REEP1: variants seen among roughly 807,000 people sequenced by gnomAD.
REEP1 encodes receptor accessory protein 1, also known as receptor expression-enhancing protein 1.
Under a neutral mutation model 40.3 loss-of-function variants are expected in REEP1, and 22 were observed. The observed-to-expected ratio is 0.55, with a 90% CI of 0.39 to 0.78. The LOEUF is 0.78. REEP1 is among the 30% of genes least tolerant of loss of function. The pLI, the probability that REEP1 is intolerant of heterozygous loss-of-function variation, is 0.00. For missense variants in REEP1, 280 were observed against 361.1 expected, an observed-to-expected ratio of 0.78 and a Z score of 1.82; for synonymous variants, 116 against 139.2, an observed-to-expected ratio of 0.83 and a Z score of 1.17.
rs942369411 is a variant in REEP1, at chr2:86,252,201, G to C, written c.304-131C>G. On this transcript the variant is annotated intron_variant, in intron 4 of 8. Transcript: ENST00000538924. ...TTCTTGCTGGGCCTGAAAAGCTGTA[G>C]GCACTTTGAAGGTGTGCGTGCAGAG... is the stretch of plus-strand genomic sequence containing the variant. The C allele has an allele frequency of 8.0e-5, 59 of 740,512 alleles. No individual in the cohort carries two copies. In the Middle Eastern group the frequency reaches 2.1e-3, roughly 26 times the overall value. 45.9% of individuals were successfully genotyped at this position (740,512 alleles called of 1,614,324 possible).
rs1424884418 is a variant in REEP1, at chr2:86,264,150, T to C, written c.106-109A>G. 50 of 792,682 alleles carry C rather than the reference T, an allele frequency of 6.3e-5. No individual in the cohort carries two copies. The South Asian group carries it at 6.8e-4, about 11-fold the overall frequency. 49.1% of individuals were successfully genotyped at this position (792,682 alleles called of 1,614,324 possible). A position where few individuals can be genotyped will look rare whatever the true frequency, so the allele number is the denominator to read the frequency against. On this transcript the variant is annotated intron_variant, in intron 2 of 8. Coordinates refer to ENST00000538924, the MANE Select transcript of REEP1 (RefSeq NM_001371279.1). ...CAGATACGGAGGCACGTCCAGGTGG[T>C]GCAGCCTGCATTTGTAGCCTTCTCC...
At chr2:86,245,807 C>G (rs2104169975) in intron 5 of REEP1, among the ~76,000 whole-genome samples, 1 of 151,626 alleles carries the variant, frequency 6.6e-6, no homozygotes, top group South Asian at 2.1e-4. Flanking sequence ...CTCCGTCTCC[C>G]AGGCTGGAGT....
intron 6 of REEP1, among the ~76,000 whole-genome samples, chr2:86,228,426 G>T (rs1674834889): frequency 6.7e-6 from 1 of 149,932 alleles, no homozygotes; most frequent in African/African-American, 2.4e-5. Context: ...CACAGCAAAT[G>T]GTCCACACTG....
chr2:86,246,829 G>A (rs1675986621), intron 5 of REEP1, among the ~76,000 whole-genome samples: 1 of 151,552 alleles, frequency 6.6e-6, no homozygotes, highest in African/African-American at 2.4e-5. Flanking sequence ...AGCCTTCCGA[G>A]TAGCTAGGAT....
intron 4 of REEP1, among the ~76,000 whole-genome samples, chr2:86,253,464 C>T (rs533162186): frequency 6.6e-6 from 1 of 152,312 alleles, no homozygotes; most frequent in South Asian, 2.1e-4. Flanking sequence ...GAAGTCATAG[C>T]AGCAGGCCCT....
At chr2:86,323,234 A>T (rs1680349416) in intron 1 of REEP1, among the ~76,000 whole-genome samples, 1 of 152,200 alleles carries the variant, frequency 6.6e-6, no homozygotes, top group Non-Finnish European at 1.5e-5. Flanking sequence ...GAACATCAAT[A>T]TTCTATTGTT....
In REEP1 at chr2:86,217,119, G is replaced by C; in HGVS notation, c.784-9C>G. ...AGGATTCTAGGCGGTGCCTGGTAGA[G>C]AAAACAGAAAGGTGTCCCTCAGTTT... On this transcript the variant is annotated splice_polypyrimidine_tract_variant and intron_variant, in intron 8 of 8. Transcript: ENST00000538924. 6.2e-7 allele frequency: 1 copy of C among 1,612,574 alleles called. No individual in the cohort carries two copies. The highest frequency in any genetic ancestry group is 8.5e-7 in the Non-Finnish European group (1 of 1,178,600).
chr2:86,235,001 G>T (rs1675235580), intron 5 of REEP1, among the ~76,000 whole-genome samples: 3 of 152,260 alleles, frequency 2.0e-5, no homozygotes, highest in Admixed American at 1.3e-4. Context: ...CTAATTATAA[G>T]TGAGTAACTC....
At chr2:86,318,644 T>G (rs953620918) in intron 1 of REEP1, among the ~76,000 whole-genome samples, 6 of 152,082 alleles carry the variant, frequency 3.9e-5, no homozygotes, top group African/African-American at 1.4e-4. Context: ...GTGATCCACT[T>G]GCCTTGGCGT....
At chr2:86,317,091 C>T (rs1680049591) in intron 1 of REEP1, among the ~76,000 whole-genome samples, 2 of 152,098 alleles carry the variant, frequency 1.3e-5, no homozygotes, top group Admixed American at 6.5e-5. Context: ...GGTGGTGTTG[C>T]CACAATTGTC....
intron 5 of REEP1, among the ~76,000 whole-genome samples, chr2:86,249,185 G>A (rs778313387): frequency 1.1e-4 from 16 of 152,126 alleles, no homozygotes; most frequent in Middle Eastern, 3.4e-3. Context: ...GCTTGAACCC[G>A]GGAGGCAGAG....
intron 1 of REEP1, among the ~76,000 whole-genome samples, chr2:86,283,318 T>G (rs1043474764): frequency 2.0e-5 from 3 of 152,154 alleles, no homozygotes; most frequent in Non-Finnish European, 4.4e-5. Flanking sequence ...GGTTTAATCT[T>G]TTCACCTGAC....
intron 7 of REEP1, 104 bp downstream of exon 7, chr2:86,227,259 C>A: frequency 1.1e-6 from 1 of 917,092 alleles, no homozygotes. Flanking sequence ...TCCCTATGAC[C>A]ATGCAGCTGA....
intron 4 of REEP1, 136 bp from the exon 5 acceptor site, chr2:86,252,206 T>C (rs1352039187): frequency 9.7e-6 from 7 of 723,942 alleles, no homozygotes; most frequent in Admixed American, 3.9e-5. Flanking sequence ...CTGTAGGCAC[T>C]TTGAAGGTGT....
rs79992666 is a variant in REEP1 at position 86,318,142 on chromosome 2, C to T, written c.32+19337G>A. ...ATGCATATGGATTTTGGATATTATACAATAAAATGTGTCAACATTTGAAGA... is the reference window on the plus strand; with the variant it reads ...ATGCATATGGATTTTGGATATTATATAATAAAATGTGTCAACATTTGAAGA... On this transcript the variant is annotated intron_variant, in intron 1 of 8. Coordinates refer to ENST00000538924, the MANE Select transcript of REEP1 (RefSeq NM_001371279.1). Among the ~76,000 whole-genome samples, 345 of 152,202 alleles carry T rather than the reference C, an allele frequency of 2.3e-3. 10 individuals are homozygous for T. In the East Asian group the frequency reaches 0.05, roughly 22 times the overall value.
intron 2 of REEP1, among the ~76,000 whole-genome samples, chr2:86,266,730 A>C (rs961985940): frequency 8.8e-5 from 13 of 148,454 alleles, no homozygotes; most frequent in Admixed American, 2.0e-4. Flanking sequence ...CTAAAAGGCC[A>C]GGCGTGGTGG....
At chr2:86,249,030 G>A (rs536540865) in intron 5 of REEP1, among the ~76,000 whole-genome samples, 1 of 152,230 alleles carries the variant, frequency 6.6e-6, no homozygotes, top group South Asian at 2.1e-4. Context: ...AGGCTGAGGC[G>A]GGCGGATCAC....
chr2:86,249,118 G>A (rs1366502080), intron 5 of REEP1, among the ~76,000 whole-genome samples: 1 of 152,110 alleles, frequency 6.6e-6, no homozygotes, highest in Non-Finnish European at 1.5e-5. Flanking sequence ...AATTAGACAG[G>A]CATGGTGGCA....
At position 86,217,064 on chromosome 2, in the gene REEP1, GA is replaced by G; in HGVS notation, c.829del (p.Ser277HisfsTer10). 1 of 1,614,114 alleles carries G rather than the reference GA, an allele frequency of 6.2e-7. No homozygotes were observed. On this transcript the variant is annotated frameshift_variant, in exon 9 of 9. Transcript: ENST00000538924. LOFTEE classifies it high-confidence loss of function. The part of the protein sequence containing the change: ...LRSRFRKKST[S>X]SSATETT ...TCACGTGGTTTCGGTGGCCGAGGAT[GA>G]GGTACTTTTCTTCCTGAAGCGAGAT...
Sources: gnomAD v4.1 joint callset for allele counts (sites outside exome capture counted in the v4.1 genomes callset) on GRCh38, gnomAD v4.1.1 for gene constraint, MANE v1.5 for transcripts, NCBI Gene and HGNC (gene_info 2026-07-23, HGNC 2026-07-21) for gene names.